The following FNDC3B variants were observed in gnomAD, a reference collection of about 807,000 sequenced individuals.
The protein encoded by FNDC3B is fibronectin type III domain containing 3B.
In FNDC3B, 12 loss-of-function variants were observed where a neutral mutation model predicts 151.5. The ratio of observed to expected loss-of-function variants is 0.08; its 90% confidence interval spans 0.05 to 0.13. FNDC3B has a LOEUF of 0.13. FNDC3B is among the 10% of genes least tolerant of loss of function. FNDC3B has a pLI of 1.00. For missense variants in FNDC3B, 1,214 were observed against 1,505.3 expected (o/e 0.81, Z 3.20); for synonymous variants, 528 against 549.0 (o/e 0.96, Z 0.54).
At chr3:172,187,829 AGTCTC>A (rs1054336365) in intron 3 of FNDC3B, among the ~76,000 whole-genome samples, 2 of 152,106 alleles carry the variant, frequency 1.3e-5, no homozygotes, top group African/African-American at 4.8e-5. Context: ...CATGTTGCCT[AGTCTC>A]GTCTCAAATG....
intron 3 of FNDC3B, among the ~76,000 whole-genome samples, chr3:172,154,459 G>A (rs113092671): frequency 5.3e-5 from 8 of 152,178 alleles, no homozygotes; most frequent in African/African-American, 1.4e-4. Context: ...GCCGTCCTCC[G>A]CCTCCCAAAG....
At chr3:172,283,935 T>A (rs1442702233) in intron 6 of FNDC3B, among the ~76,000 whole-genome samples, 1 of 151,650 alleles carries the variant, frequency 6.6e-6, no homozygotes, top group Non-Finnish European at 1.5e-5. Flanking sequence ...GCTACAGTTT[T>A]CAAAACCATG....
intron 10 of FNDC3B, among the ~76,000 whole-genome samples, chr3:172,308,223 A>C (rs962131292): frequency 2.0e-5 from 3 of 152,202 alleles, no homozygotes; most frequent in South Asian, 2.1e-4. Flanking sequence ...ATATATTTTC[A>C]TGAAACACAA....
intron 19 of FNDC3B, among the ~76,000 whole-genome samples, chr3:172,345,412 GC>G (rs1235866489): frequency 1.3e-5 from 2 of 152,070 alleles, no homozygotes; most frequent in South Asian, 2.1e-4. Flanking sequence ...ACTTTTCTCA[GC>G]CCTTTCACTG....
At chr3:172,272,668 TA>T (rs1444007569) in intron 6 of FNDC3B, among the ~76,000 whole-genome samples, 1 of 152,236 alleles carries the variant, frequency 6.6e-6, no homozygotes, top group African/African-American at 2.4e-5. Flanking sequence ...AAAAACCGAA[TA>T]TGATGATCTT....
chr3:172,145,377 CTG>C (rs1721850139), intron 3 of FNDC3B, among the ~76,000 whole-genome samples: 1 of 152,164 alleles, frequency 6.6e-6, no homozygotes, highest in South Asian at 2.1e-4. Flanking sequence ...AAATGTTATT[CTG>C]TGTTAGAGAA....
chr3:172,270,489 A>G (rs1404583222), intron 6 of FNDC3B, among the ~76,000 whole-genome samples: 1 of 152,156 alleles, frequency 6.6e-6, no homozygotes, highest in Non-Finnish European at 1.5e-5. Context: ...TGCCCTCTCT[A>G]TTCTCTCTCT....
intron 1 of FNDC3B, among the ~76,000 whole-genome samples, chr3:172,086,602 G>A (rs1268099136): frequency 6.6e-6 from 1 of 152,160 alleles, no homozygotes; most frequent in Non-Finnish European, 1.5e-5. Flanking sequence ...AACTATGTAA[G>A]TGAAATGCTA....
intron 2 of FNDC3B, among the ~76,000 whole-genome samples, chr3:172,112,874 T>C (rs1043595869): frequency 1.3e-5 from 2 of 152,234 alleles, no homozygotes; most frequent in Non-Finnish European, 2.9e-5. Flanking sequence ...AATGACTGTT[T>C]ATTCATGCTG....
intron 3 of FNDC3B, among the ~76,000 whole-genome samples, chr3:172,155,048 A>G (rs1722417323): frequency 6.6e-6 from 1 of 152,002 alleles, no homozygotes; most frequent in African/African-American, 2.4e-5. Flanking sequence ...AGATGGAGGG[A>G]AGCTTTGAAA....
chr3:172,089,847 G>A (rs760381793), intron 1 of FNDC3B, among the ~76,000 whole-genome samples: 4 of 152,134 alleles, frequency 2.6e-5, no homozygotes, highest in African/African-American at 4.8e-5. Flanking sequence ...ATAAGATACC[G>A]AGTAAATGTT....
At chr3:172,382,858 T>C (rs886180261) in intron 25 of FNDC3B, among the ~76,000 whole-genome samples, 1 of 152,216 alleles carries the variant, frequency 6.6e-6, no homozygotes, top group Non-Finnish European at 1.5e-5. Context: ...CTATGCTGTT[T>C]TGGTTACTGT....
At chr3:172,292,151 A>G (rs1290237173) in intron 7 of FNDC3B, among the ~76,000 whole-genome samples, 2 of 152,206 alleles carry the variant, frequency 1.3e-5, no homozygotes, top group East Asian at 3.9e-4. Flanking sequence ...CCTCGGGCCA[A>G]GAGTCAGTGA....
At chr3:172,124,673 C>G (rs928249730) in intron 2 of FNDC3B, among the ~76,000 whole-genome samples, 5 of 152,208 alleles carry the variant, frequency 3.3e-5, no homozygotes, top group Admixed American at 3.3e-4. Flanking sequence ...ACTTTGGAAG[C>G]CTGCTGATTA....
chr3:172,081,255 G>C (rs7615743), intron 1 of FNDC3B, among the ~76,000 whole-genome samples: 101,795 of 151,952 alleles, frequency 0.67, 34,208 homozygotes, highest in East Asian at 0.78. Context: ...CTTTACTTCT[G>C]TAATCATCAC....
At chr3:172,104,362 A>G (rs563976254) in intron 1 of FNDC3B, among the ~76,000 whole-genome samples, 1 of 150,390 alleles carries the variant, frequency 6.6e-6, no homozygotes, top group Non-Finnish European at 1.5e-5. Context: ...ATTAGAACTC[A>G]TGTTTTCCAA....
In FNDC3B at chr3:172,247,744, A is replaced by G; in HGVS notation, c.476A>G (p.His159Arg). 1.2e-6 allele frequency: 2 copies of G among 1,614,092 alleles called. No individual in the cohort carries two copies. The highest frequency in any genetic ancestry group is 1.7e-6 in the Non-Finnish European group (2 of 1,180,018). ...GDMPPQFFPQ[H>R]HLPHTIYGEQ... is the part of the protein sequence containing the mutation. Reference sequence around the variant, plus strand: ...ATGCCGCCTCAGTTTTTTCCCCAGCATCATCTTCCCCACACAATATATGGT... The same window carrying G: ...ATGCCGCCTCAGTTTTTTCCCCAGCGTCATCTTCCCCACACAATATATGGT... The change falls in exon 5 of 26, where the codon CAT (histidine) becomes CGT (arginine). Residue 159 changes from histidine to arginine, a missense_variant. This residue lies in a region of FNDC3B where 166 missense variants were observed against 173.2 expected (regional missense o/e 0.96). Transcript: ENST00000415807.
At chr3:172,242,102 A>T (rs939725533) in intron 4 of FNDC3B, among the ~76,000 whole-genome samples, 5 of 152,122 alleles carry the variant, frequency 3.3e-5, no homozygotes, top group African/African-American at 1.2e-4. Flanking sequence ...ATATCCTTTG[A>T]CTCCATGTCT....
chr3:172,276,453 G>A (rs1046799631), intron 6 of FNDC3B, among the ~76,000 whole-genome samples: 1 of 152,156 alleles, frequency 6.6e-6, no homozygotes, highest in Admixed American at 6.5e-5. Context: ...TGAAAAGTGG[G>A]AGGGAGAACT....
Sources: gnomAD v4.1 joint callset for allele counts (sites outside exome capture counted in the v4.1 genomes callset) on GRCh38, gnomAD v4.1.1 for gene constraint, gnomAD v4.1.1 regional missense constraint, MANE v1.5 for transcripts, NCBI Gene and HGNC (gene_info 2026-07-23, HGNC 2026-07-21) for gene names.